Variants in CENPE observed in about 807,000 individuals in gnomAD.
CENPE encodes centromere protein E.
In CENPE, 145 loss-of-function variants were observed where a neutral mutation model predicts 336.1. The observed-to-expected ratio is 0.43, with a 90% CI of 0.38 to 0.50. CENPE has a LOEUF of 0.50. Ranked by LOEUF, CENPE falls within the 20% of genes least tolerant of loss-of-function variation. The pLI is 0.00. For synonymous variants in CENPE, 1,013 were observed against 984.8 expected (o/e 1.03, Z -0.54); for missense variants, 2,719 against 3,023.3 (o/e 0.90, Z 2.36).
intron 43 of CENPE, among the ~76,000 whole-genome samples, chr4:103,122,076 C>T (rs1029832373): frequency 5.9e-5 from 9 of 152,114 alleles, no homozygotes; most frequent in African/African-American, 1.7e-4. Context: ...TTTCCTTTTG[C>T]TTCTTTAAAT....
At chr4:103,164,055 G>A (rs1450374979) in intron 16 of CENPE, among the ~76,000 whole-genome samples, 1 of 152,068 alleles carries the variant, frequency 6.6e-6, no homozygotes, top group Non-Finnish European at 1.5e-5. Context: ...TTGGATTAGG[G>A]TTGTTTCATG....
chr4:103,186,755 A>G (rs963464654), intron 8 of CENPE, among the ~76,000 whole-genome samples: 5 of 152,184 alleles, frequency 3.3e-5, no homozygotes, highest in Non-Finnish European at 7.3e-5. Flanking sequence ...ATAGAGCTGG[A>G]AAAGGGGCCA....
In CENPE at chr4:103,158,360, A is replaced by G; in HGVS notation, c.2973T>C (p.Val991=). 1.9e-6 allele frequency: 3 copies of G among 1,610,236 alleles called. No individual in the cohort carries two copies. In the South Asian group the frequency reaches 3.3e-5, roughly 18 times the overall value. The change falls in exon 24 of 49, where the codon GTT becomes GTC. Residue 991 remains valine (V), a synonymous_variant. Transcript: ENST00000265148. ...NTLKSKISEE[V]SRNLHMEENT... ...TTTCCTCCATATGCAAATTCCTGGA[A>G]ACTTCCTCAGAAATTTTCGATTTTA...
chr4:103,112,563 T>C, intron 46 of CENPE, among the ~76,000 whole-genome samples: 1 of 142,114 alleles, frequency 7.0e-6, no homozygotes, highest in East Asian at 2.1e-4. Flanking sequence ...TGTGTATGTA[T>C]GTATATATAC....
chr4:103,148,136 C>T (rs1753221500), intron 28 of CENPE, among the ~76,000 whole-genome samples: 1 of 152,180 alleles, frequency 6.6e-6, no homozygotes. Flanking sequence ...CTATTCATGA[C>T]TTTTCTGGGT....
chr4:103,187,714 T>C (rs1756915068), intron 8 of CENPE, among the ~76,000 whole-genome samples: 1 of 152,164 alleles, frequency 6.6e-6, no homozygotes, highest in Non-Finnish European at 1.5e-5. Flanking sequence ...GTAAAGACCA[T>C]TGAGGCTAGG....
chr4:103,107,449 G>C (rs913846043), intron 48 of CENPE, among the ~76,000 whole-genome samples: 1 of 152,044 alleles, frequency 6.6e-6, no homozygotes, highest in African/African-American at 2.4e-5. Context: ...TAAATGATTT[G>C]GCAACTGCCT....
intron 10 of CENPE, 98 bp downstream of exon 10, chr4:103,183,100 GGAA>G: frequency 1.1e-6 from 1 of 940,570 alleles, no homozygotes; most frequent in Non-Finnish European, 1.6e-6. Context: ...TTGAATATAT[GGAA>G]GAAATCAGTA....
At chr4:103,194,969 A>G in intron 5 of CENPE, 145 bp downstream of exon 5, 1 of 713,324 alleles carries the variant, frequency 1.4e-6, no homozygotes, top group Non-Finnish European at 2.2e-6. Flanking sequence ...TGTTTAAAAG[A>G]TGAATATAAA....
rs1031804 is a variant in CENPE at position 103,144,892 on chromosome 4, C to T, written c.4857+158G>A. On this transcript the variant is annotated intron_variant, in intron 32 of 48. Coordinates refer to ENST00000265148, the MANE Select transcript of CENPE (RefSeq NM_001813.3). ...AAATATTCTGTCTACTAACAGTTTA[C>T]TGGTACTCAGTTGAATATAAGCAGT... Among the ~76,000 whole-genome samples the T allele has an allele frequency of 0.45, 67,737 of 151,836 alleles. 15,767 individuals carry two copies. Among genetic ancestry groups the T allele is most frequent in the African/African-American group, 0.59 (24,514 of 41,410 alleles).
chr4:103,122,241 A>C (rs992223169), intron 43 of CENPE, among the ~76,000 whole-genome samples: 2 of 152,174 alleles, frequency 1.3e-5, no homozygotes, highest in Admixed American at 1.3e-4. Context: ...TTATTTTGGT[A>C]AAAATGATAA....
intron 8 of CENPE, among the ~76,000 whole-genome samples, chr4:103,192,524 T>C (rs564608600): frequency 5.3e-5 from 8 of 152,212 alleles, no homozygotes; most frequent in East Asian, 1.9e-4. Flanking sequence ...GAGACTGACA[T>C]AGTAATTCAA....
rs1202397902 is a variant in CENPE, at chr4:103,151,391, A to G, written c.3238-14T>C. On this transcript the variant is annotated splice_polypyrimidine_tract_variant and intron_variant, in intron 25 of 48. Transcript: ENST00000265148. ...GTTTTCAATGGTCTAGAAAGAAAAA[A>G]AAAGTTGAGATTAAAGTAAATATTA... The G allele has an allele frequency of 1.9e-6, 3 of 1,541,108 alleles. No homozygotes were observed. The highest frequency in any genetic ancestry group is 4.7e-5 in the East Asian group (2 of 42,790).
chr4:103,181,263 T>A, intron 12 of CENPE, 74 bp downstream of exon 12: 1 of 1,074,004 alleles, frequency 9.3e-7, no homozygotes, highest in East Asian at 3.0e-5. Flanking sequence ...GAATGAAGAG[T>A]CTCTGAGCAT....
At chr4:103,129,984 TA>T (rs779702643) in intron 42 of CENPE, among the ~76,000 whole-genome samples, 1 of 152,166 alleles carries the variant, frequency 6.6e-6, no homozygotes, top group Non-Finnish European at 1.5e-5. Flanking sequence ...ATTCATAATT[TA>T]AAACTCTCAG....
chr4:103,195,268 A>G, intron 4 of CENPE, 35 bp from the exon 5 acceptor site: 1 of 1,550,344 alleles, frequency 6.5e-7, no homozygotes, highest in Non-Finnish European at 8.7e-7. Context: ...AACACCAGGA[A>G]GCATCCAATT....
chr4:103,132,750 G>T lies in CENPE; in HGVS notation c.6867C>A (p.Ile2289=), dbSNP rs145082410. The change falls in exon 42 of 49, where the codon ATC becomes ATA. Residue 2289 remains isoleucine, a synonymous_variant. Coordinates refer to ENST00000265148, the MANE Select transcript of CENPE (RefSeq NM_001813.3). ...GACAAATCCTATCATTTTCTTTCTG[G>T]ATGCCATTTTTAAGCTTTTCTATAT... is the stretch of plus-strand genomic sequence containing the variant. ...RFDIEKLKNG[I]QKENDRICQV... is the part of the protein sequence containing the mutation. 2.1e-4 allele frequency: 327 copies of T among 1,571,472 alleles called. 1 individual carries two copies. Among genetic ancestry groups the T allele is most frequent in the Non-Finnish European group, 2.6e-4 (301 of 1,147,960 alleles).
At chr4:103,134,365 T>G (rs996063038) in intron 40 of CENPE, among the ~76,000 whole-genome samples, 1 of 152,034 alleles carries the variant, frequency 6.6e-6, no homozygotes, top group Non-Finnish European at 1.5e-5. Context: ...CCGGACATGG[T>G]GGCTCATGCC....
chr4:103,116,042 T>C (rs1426013310), intron 45 of CENPE, among the ~76,000 whole-genome samples: 2 of 152,188 alleles, frequency 1.3e-5, no homozygotes, highest in Admixed American at 6.5e-5. Flanking sequence ...TGACTCTCTT[T>C]AATGTTCTTT....
Sources: gnomAD v4.1 joint callset for allele counts (sites outside exome capture counted in the v4.1 genomes callset) on GRCh38, gnomAD v4.1.1 for gene constraint, MANE v1.5 for transcripts, NCBI Gene and HGNC (gene_info 2026-07-23, HGNC 2026-07-21) for gene names.